The following ABR variants were observed in gnomAD, a reference collection of about 807,000 sequenced individuals.
The protein encoded by ABR is ABR activator of RhoGEF and GTPase, also known as active breakpoint cluster region-related protein.
ABR carries 35 observed loss-of-function variants against 107.2 expected under a neutral mutation model. The observed-to-expected ratio is 0.33, with a 90% CI of 0.25 to 0.43. The LOEUF (loss-of-function observed/expected upper bound fraction) is 0.43. Ranked by LOEUF, ABR falls within the 20% of genes least tolerant of loss-of-function variation. The pLI, the probability that ABR is intolerant of heterozygous loss-of-function variation, is 1.00. For missense variants in ABR, 815 were observed against 1,115.2 expected (o/e 0.73, Z 3.83); for synonymous variants, 498 against 462.0 (o/e 1.08, Z -1.00).
At chr17:1,173,413 G>C (rs1404478448) in intron 1 of ABR, among the ~76,000 whole-genome samples, 2 of 139,050 alleles carry the variant, frequency 1.4e-5, no homozygotes, top group Non-Finnish European at 3.1e-5. Flanking sequence ...CCAAGGGCCT[G>C]GCAGGGGCAG....
intron 16 of ABR, among the ~76,000 whole-genome samples, chr17:1,029,625 G>A (rs541651546): frequency 3.9e-5 from 6 of 152,234 alleles, no homozygotes; most frequent in South Asian, 4.1e-4. Context: ...TTACCCCACC[G>A]AAACGAAACT....
chr17:1,172,682 G>C (rs1265568796), intron 1 of ABR, among the ~76,000 whole-genome samples: 1 of 151,974 alleles, frequency 6.6e-6, no homozygotes, highest in Non-Finnish European at 1.5e-5. Context: ...CCAGGAGGTG[G>C]AGGTTGCAGT....
chr17:1,221,764 A>G (rs1322333023), intron 1 of ABR, among the ~76,000 whole-genome samples: 1 of 152,186 alleles, frequency 6.6e-6, no homozygotes, highest in Non-Finnish European at 1.5e-5. Flanking sequence ...AAAACAGAAT[A>G]TAAGAAGCCA....
Position 1,198,903 on chromosome 17 carries a change from G to T in ABR, c.838+29890C>A, listed in dbSNP as rs1487801822. Among the ~76,000 whole-genome samples the T allele has an allele frequency of 2.0e-5, 3 of 148,868 alleles. No individual in the cohort carries two copies. The South Asian group carries it at 6.4e-4, about 32-fold the overall frequency. On this transcript the variant is annotated intron_variant, in intron 1 of 22. Transcript: ENST00000574139. Reference sequence around the variant, plus strand: ...CCGCCTCAGCCTCCCAAAGTGCTGGGATTACAGGCGTGAGCTACCGCGCCT... The same window carrying T: ...CCGCCTCAGCCTCCCAAAGTGCTGGTATTACAGGCGTGAGCTACCGCGCCT...
chr17:1,034,037 C>T (rs2072997985), intron 16 of ABR, among the ~76,000 whole-genome samples: 1 of 147,042 alleles, frequency 6.8e-6, no homozygotes, highest in Non-Finnish European at 1.5e-5. Flanking sequence ...GTGGTGCAAT[C>T]TTGGCTCACT....
intron 11 of ABR, 90 bp downstream of exon 11, chr17:1,058,655 G>C: frequency 6.7e-7 from 1 of 1,502,394 alleles, no homozygotes. Flanking sequence ...CTGAGTTTCC[G>C]GTTCGTACAG....
At position 1,009,669 on chromosome 17, in the gene ABR, TC is replaced by T. The variant is rs1480231894; in HGVS notation, c.2342+9del. The T allele has an allele frequency of 1.9e-6, 3 of 1,611,544 alleles. No individual in the cohort carries two copies. Among genetic ancestry groups the T allele is most frequent in the African/African-American group, 2.7e-5 (2 of 74,828 alleles). On this transcript the variant is annotated intron_variant, in intron 21 of 22. Transcript: ENST00000302538. The stretch of plus-strand genomic sequence containing the variant: ...ACTGAGGAGGTGGGGTTGGGGCCGC[TC>T]CCCGTTACCTTTTCAAGTGTTCCAG...
At chr17:1,111,494 A>G (rs773378565) in intron 2 of ABR, among the ~76,000 whole-genome samples, 1 of 150,830 alleles carries the variant, frequency 6.6e-6, no homozygotes, top group Non-Finnish European at 1.5e-5. Flanking sequence ...CCTGAGCTCC[A>G]CACTCCATCT....
chr17:1,017,464 C>CTT (rs61229673), intron 16 of ABR, among the ~76,000 whole-genome samples: 32 of 104,536 alleles, frequency 3.1e-4, no homozygotes, highest in Non-Finnish European at 3.7e-4. Flanking sequence ...GCCATGCCCT[C>CTT]TTTTTTTTTT....
chr17:1,195,789 G>A (rs1265357649), intron 1 of ABR, among the ~76,000 whole-genome samples: 6 of 136,166 alleles, frequency 4.4e-5, no homozygotes, highest in Non-Finnish European at 7.6e-5. Flanking sequence ...GCGCAACAGA[G>A]CGAGACTCTG....
chr17:1,197,487 A>G (rs527323554), intron 1 of ABR, among the ~76,000 whole-genome samples: 1 of 151,672 alleles, frequency 6.6e-6, no homozygotes, highest in South Asian at 2.1e-4. Context: ...TCTTAGCCAC[A>G]GCTCTGATGA....
chr17:1,044,076 A>G (rs983771358), intron 16 of ABR, among the ~76,000 whole-genome samples: 2 of 152,192 alleles, frequency 1.3e-5, no homozygotes, highest in African/African-American at 4.8e-5. Context: ...TATGCTAATC[A>G]GCTAGCGGGT....
Position 1,079,434 on chromosome 17 carries a change from C to T in ABR, c.640-44G>A, listed in dbSNP as rs1597715603. 3 of 1,552,536 alleles carry T rather than the reference C, an allele frequency of 1.9e-6. No individual in the cohort carries two copies. The East Asian group carries it at 6.9e-5, about 36-fold the overall frequency. The stretch of plus-strand genomic sequence containing the variant: ...GAGTCATGGCCTGTTCTGTCCCTCA[C>T]CTCTCCCAGCCCCCACTGTGAGCCT... On this transcript the variant is annotated intron_variant, in intron 5 of 22. Transcript: ENST00000302538.
chr17:1,216,530 A>G (rs749663824), intron 1 of ABR, among the ~76,000 whole-genome samples: 1 of 152,250 alleles, frequency 6.6e-6, no homozygotes, highest in Non-Finnish European at 1.5e-5. Flanking sequence ...AATGCCTCCC[A>G]TTCACATTGC....
chr17:1,102,458 C>T (rs1275478597), intron 2 of ABR, among the ~76,000 whole-genome samples: 1 of 152,230 alleles, frequency 6.6e-6, no homozygotes, highest in African/African-American at 2.4e-5. Context: ...GCAGGGGCTT[C>T]CGATCTTTTG....
chr17:1,089,559 G>A (rs984016996), intron 4 of ABR, among the ~76,000 whole-genome samples: 1 of 152,130 alleles, frequency 6.6e-6, no homozygotes, highest in Non-Finnish European at 1.5e-5. Context: ...GCCCTGCAAC[G>A]TCTCCCTCCA....
intron 1 of ABR, among the ~76,000 whole-genome samples, chr17:1,128,429 A>T (rs1167025477): frequency 6.6e-6 from 1 of 152,230 alleles, no homozygotes; most frequent in Non-Finnish European, 1.5e-5. Flanking sequence ...ACTAACAGAA[A>T]TCCTACTGTA....
upstream of ABR, among the ~76,000 whole-genome samples, chr17:1,184,345 C>G (rs1426701403): frequency 2.6e-5 from 4 of 152,166 alleles, no homozygotes; most frequent in East Asian, 7.7e-4. Flanking sequence ...GTCCCAGCTA[C>G]TCGGGAGGCT....
intron 1 of ABR, among the ~76,000 whole-genome samples, chr17:1,201,572 AC>A (rs1369184761): frequency 2.0e-5 from 3 of 152,124 alleles, no homozygotes; most frequent in Non-Finnish European, 4.4e-5. Context: ...GATGACGGCA[AC>A]CCCGATATTG....
Sources: allele counts gnomAD v4.1 joint callset (sites outside exome capture counted in the v4.1 genomes callset), GRCh38; gene constraint gnomAD v4.1.1; transcripts MANE v1.5; gene names NCBI Gene and HGNC (gene_info 2026-07-23, HGNC 2026-07-21).